CNKSR2: variants seen among roughly 807,000 people sequenced by gnomAD.
The protein encoded by CNKSR2 is connector enhancer of kinase suppressor of Ras 2, also known as CNK homolog protein 2.
CNKSR2 carries 14 observed loss-of-function variants against 84.4 expected under a neutral mutation model. That is an observed-to-expected ratio of 0.17 (90% CI 0.11 to 0.26). The LOEUF is 0.26. Among genes scored for constraint, CNKSR2 ranks in the 10% least tolerant of loss-of-function variants. The pLI is 1.00. For missense variants in CNKSR2, 485 were observed against 771.2 expected (o/e 0.63, Z 4.40); for synonymous variants, 275 against 277.9 (o/e 0.99, Z 0.10).
intron 11 of CNKSR2, among the ~76,000 whole-genome samples, chrX:21,542,472 C>T (rs2091985042): frequency 8.9e-6 from 1 of 112,067 alleles, no homozygotes; most frequent in Non-Finnish European, 1.9e-5. Flanking sequence ...TACATAGAAG[C>T]TTTAACATGG....
intron 7 of CNKSR2, 52 bp downstream of exon 7, chrX:21,497,898 TAAC>T (rs1569206599): frequency 5.2e-6 from 3 of 572,767 alleles, no homozygotes; most frequent in African/African-American, 2.2e-5. Flanking sequence ...CTTTTATTGC[TAAC>T]AACTTATATA....
At chrX:21,562,463 G>C (rs891557772) in intron 12 of CNKSR2, among the ~76,000 whole-genome samples, 1 of 111,515 alleles carries the variant, frequency 9.0e-6, no homozygotes, top group Non-Finnish European at 1.9e-5. Context: ...TGATTCATTA[G>C]TCTTCTTAAT....
rs1309976908 is a variant in CNKSR2, at chrX:21,652,636, C to G, written c.*115C>G. The G allele has an allele frequency of 1.9e-6, 1 of 517,888 alleles. No individual in the cohort carries two copies. The highest frequency in any genetic ancestry group is 3.2e-6 in the Non-Finnish European group (1 of 311,917). The allele number at this position is 517,888 out of a possible 1,213,427, so 42.7% of individuals were successfully genotyped here. ...CAAGCTATACTTTAATGTTACCAAA[C>G]TATATGAAACAAACCATATATGGTC... On this transcript the variant is annotated 3_prime_UTR_variant, in exon 22 of 22. Coordinates refer to ENST00000379510, the MANE Select transcript of CNKSR2 (RefSeq NM_014927.5).
At position 21,652,625 on chromosome X, in the gene CNKSR2, A is replaced by G; in HGVS notation, c.*104A>G. 1.7e-6 allele frequency: 1 copy of G among 579,635 alleles called. No homozygotes were observed. Among genetic ancestry groups the G allele is most frequent in the Non-Finnish European group, 2.8e-6 (1 of 357,962 alleles). 47.8% of individuals were successfully genotyped at this position (579,635 alleles called of 1,213,427 possible). On this transcript the variant is annotated 3_prime_UTR_variant, in exon 22 of 22. Transcript: ENST00000379510. ...GGAACACTTGACAAGCTATACTTTA[A>G]TGTTACCAAACTATATGAAACAAAC...
intron 6 of CNKSR2, among the ~76,000 whole-genome samples, chrX:21,496,605 A>G (rs2091502947): frequency 9.0e-6 from 1 of 111,607 alleles, no homozygotes; most frequent in African/African-American, 3.2e-5. Context: ...GTTCCATACC[A>G]TGAAATTTAC....
At chrX:21,623,172 C>T (rs1205682615) in intron 20 of CNKSR2, among the ~76,000 whole-genome samples, 1 of 111,273 alleles carries the variant, frequency 9.0e-6, no homozygotes, top group Non-Finnish European at 1.9e-5. Flanking sequence ...TTCAGTGGCT[C>T]CTAAGAATTA....
At chrX:21,438,398 G>A (rs998477905) in intron 3 of CNKSR2, among the ~76,000 whole-genome samples, 13 of 111,666 alleles carry the variant, frequency 1.2e-4, no homozygotes, top group South Asian at 3.7e-4. Context: ...GCACATGACC[G>A]TATATAGAAT....
intron 11 of CNKSR2, among the ~76,000 whole-genome samples, chrX:21,544,726 A>G (rs1431232205): frequency 9.0e-6 from 1 of 111,304 alleles, no homozygotes. Flanking sequence ...CAGTGGGTAC[A>G]GCCCGTGGAG....
intron 13 of CNKSR2, among the ~76,000 whole-genome samples, chrX:21,580,998 T>TTGG (rs1166568583): frequency 8.9e-6 from 1 of 111,808 alleles, no homozygotes; most frequent in African/African-American, 3.3e-5. Flanking sequence ...CTATGTTAAT[T>TTGG]GTACACATCA....
chrX:21,557,648 T>C (rs2092151424), intron 11 of CNKSR2, among the ~76,000 whole-genome samples: 1 of 111,429 alleles, frequency 9.0e-6, no homozygotes. Context: ...AATTAATGCA[T>C]GCTTTATACT....
At chrX:21,547,735 G>A (rs2092042016) in intron 11 of CNKSR2, among the ~76,000 whole-genome samples, 1 of 112,256 alleles carries the variant, frequency 8.9e-6, no homozygotes. Context: ...CAGTCTCTCA[G>A]ACCACAGTGC....
At chrX:21,380,726 G>C (rs1396235355) in intron 1 of CNKSR2, among the ~76,000 whole-genome samples, 1 of 111,540 alleles carries the variant, frequency 9.0e-6, no homozygotes, top group African/African-American at 3.3e-5. Flanking sequence ...GGGATTACAG[G>C]CGTGAGCCAC....
chrX:21,562,202 T>C (rs2092197150), intron 12 of CNKSR2, among the ~76,000 whole-genome samples: 1 of 110,897 alleles, frequency 9.0e-6, no homozygotes, highest in South Asian at 3.8e-4. Flanking sequence ...CTAAATAGGA[T>C]TTGATCAAGT....
intron 13 of CNKSR2, among the ~76,000 whole-genome samples, chrX:21,580,413 C>T (rs886256983): frequency 9.0e-6 from 1 of 111,138 alleles, no homozygotes; most frequent in African/African-American, 3.3e-5. Flanking sequence ...TTAACAGAAA[C>T]GTAGTATTAA....
intron 11 of CNKSR2, among the ~76,000 whole-genome samples, chrX:21,544,645 C>T (rs2092005788): frequency 9.0e-6 from 1 of 111,521 alleles, no homozygotes. Context: ...CCAGAGGGAT[C>T]AATGCAGAAG....
At position 21,560,883 on chromosome X, in the gene CNKSR2, T is replaced by C. The variant is rs16981599; in HGVS notation, c.1304-588T>C. ...GGATCTCTATACTGGACAGGCTCAC[T>C]GTAGCAAAAGAGATGCTTAGAAGCA... On this transcript the variant is annotated intron_variant, in intron 11 of 21. Coordinates refer to ENST00000379510, the MANE Select transcript of CNKSR2 (RefSeq NM_014927.5). Among the ~76,000 whole-genome samples the C allele has an allele frequency of 8.7e-3, 967 of 111,474 alleles. 6 individuals carry two copies. The highest frequency in any genetic ancestry group is 0.028 in the African/African-American group (872 of 30,794).
intron 1 of CNKSR2, among the ~76,000 whole-genome samples, chrX:21,411,485 C>A (rs746886925): frequency 7.2e-5 from 8 of 111,631 alleles, no homozygotes; most frequent in Non-Finnish European, 1.5e-4. Context: ...AGTCACTGTT[C>A]TACACGTTGA....
intron 1 of CNKSR2, among the ~76,000 whole-genome samples, chrX:21,410,032 CTGTG>C (rs60351010): frequency 0.072 from 7,029 of 97,577 alleles, 598 homozygotes; most frequent in African/African-American, 0.23. Flanking sequence ...CTAATTGTGT[CTGTG>C]TGTGTGTGTG....
intron 5 of CNKSR2, among the ~76,000 whole-genome samples, chrX:21,473,646 A>C (rs1322911132): frequency 9.2e-6 from 1 of 108,813 alleles, no homozygotes. Context: ...TAAATCAGTA[A>C]GTTTTCTAGA....
Sources: allele counts gnomAD v4.1 joint callset (sites outside exome capture counted in the v4.1 genomes callset), GRCh38; gene constraint gnomAD v4.1.1; transcripts MANE v1.5; gene names NCBI Gene and HGNC (gene_info 2026-07-23, HGNC 2026-07-21).